Variants in CALD1 observed in about 807,000 individuals in gnomAD.
The protein encoded by CALD1 is caldesmon 1.
CALD1 carries 33 observed loss-of-function variants against 99.9 expected under a neutral mutation model. The observed-to-expected ratio is 0.33, with a 90% CI of 0.25 to 0.44. The LOEUF is 0.44. Among genes scored for constraint, CALD1 ranks in the 20% least tolerant of loss-of-function variants. CALD1 has a pLI of 1.00. For missense variants in CALD1, 861 were observed against 962.1 expected (o/e 0.89, Z 1.39); for synonymous variants, 310 against 325.0 (o/e 0.95, Z 0.50).
chr7:134,773,171 CCT>C (rs1049082611), intron 1 of CALD1, among the ~76,000 whole-genome samples: 4 of 151,608 alleles, frequency 2.6e-5, no homozygotes, highest in African/African-American at 9.7e-5. Context: ...TTTTTTCTGT[CCT>C]CTTTTTTATG....
intron 11 of CALD1, among the ~76,000 whole-genome samples, chr7:134,959,238 T>C (rs1312821323): frequency 6.6e-6 from 1 of 152,008 alleles, no homozygotes; most frequent in Non-Finnish European, 1.5e-5. Flanking sequence ...TAGAGTGCAA[T>C]GGTGCAATCT....
intron 2 of CALD1, among the ~76,000 whole-genome samples, chr7:134,848,312 G>A (rs911869247): frequency 2.0e-5 from 3 of 151,934 alleles, no homozygotes; most frequent in South Asian, 2.1e-4. Flanking sequence ...TGTCCATCAC[G>A]CACTCTAACA....
At chr7:134,763,600 G>C (rs1288132279) in intron 1 of CALD1, among the ~76,000 whole-genome samples, 2 of 152,058 alleles carry the variant, frequency 1.3e-5, no homozygotes, top group Admixed American at 6.5e-5. Flanking sequence ...GTTATAAATG[G>C]CCACCTGAGT....
At chr7:134,726,430 A>G in the CALD1 span, among the ~76,000 whole-genome samples, 2 of 120,694 alleles carry the variant, frequency 1.7e-5, no homozygotes, top group African/African-American at 6.4e-5. Flanking sequence ...TATAATATAT[A>G]TTATATAGCT....
At chr7:134,836,136 T>TTCA (rs920475403) in intron 1 of CALD1, among the ~76,000 whole-genome samples, 1 of 143,038 alleles carries the variant, frequency 7.0e-6, no homozygotes, top group Non-Finnish European at 1.5e-5. Context: ...AGAGTGAGAC[T>TTCA]TCATCTCAAA....
Position 134,867,678 on chromosome 7 carries a change from C to T in CALD1, c.-41-15C>T, listed in dbSNP as rs1365870899. 2.9e-6 allele frequency: 3 copies of T among 1,024,648 alleles called. No individual in the cohort carries two copies. Among genetic ancestry groups the T allele is most frequent in the Middle Eastern group, 4.1e-4 (2 of 4,838 alleles). 63.5% of individuals were successfully genotyped at this position (1,024,648 alleles called of 1,614,324 possible). ...TGAGTTATCAATGATATTGACTCTA[C>T]CTCCTCTCTTTCAGGTCCAGACATC... On this transcript the variant is annotated splice_polypyrimidine_tract_variant and intron_variant, in intron 2 of 14. Transcript: ENST00000361675.
chr7:134,845,722 C>T (rs534588770), intron 2 of CALD1, among the ~76,000 whole-genome samples: 1 of 152,270 alleles, frequency 6.6e-6, no homozygotes, highest in East Asian at 1.9e-4. Flanking sequence ...TGAATGAGGC[C>T]ACCAAGGAAG....
At chr7:134,814,838 C>T in intron 1 of CALD1, among the ~76,000 whole-genome samples, 1 of 152,148 alleles carries the variant, frequency 6.6e-6, no homozygotes. Flanking sequence ...GTCAAGAAAC[C>T]TGGGTATTGG....
At chr7:134,886,822 A>G (rs1801874742) in intron 3 of CALD1, among the ~76,000 whole-genome samples, 1 of 152,260 alleles carries the variant, frequency 6.6e-6, no homozygotes, top group African/African-American at 2.4e-5. Flanking sequence ...TACTGCTTTC[A>G]GAGTACTGTT....
At chr7:134,859,027 T>C (rs555213303) in intron 2 of CALD1, among the ~76,000 whole-genome samples, 3 of 152,370 alleles carry the variant, frequency 2.0e-5, no homozygotes, top group African/African-American at 7.2e-5. Flanking sequence ...TTAAATTTTA[T>C]TTATTTTCAA....
At chr7:134,748,708 T>TTCCC (rs1562988094) in intron 1 of CALD1, among the ~76,000 whole-genome samples, 20 of 132,246 alleles carry the variant, frequency 1.5e-4, no homozygotes, top group East Asian at 2.3e-4. Context: ...TGAAACTCCA[T>TTCCC]CCCCCCGCCC....
chr7:134,951,636 C>T (rs915057137), intron 9 of CALD1, among the ~76,000 whole-genome samples: 4 of 152,166 alleles, frequency 2.6e-5, no homozygotes, highest in African/African-American at 4.8e-5. Flanking sequence ...CCTATGACAG[C>T]CTTCATGGAG....
chr7:134,961,214 T>G (rs910914773), intron 13 of CALD1: 2 of 152,240 alleles, frequency 1.3e-5, no homozygotes, highest in Non-Finnish European at 2.9e-5. Context: ...GAATCTAAAA[T>G]TTTCTTAATT....
chr7:134,955,421 G>C (rs1807689710), intron 9 of CALD1, among the ~76,000 whole-genome samples: 1 of 152,146 alleles, frequency 6.6e-6, no homozygotes, highest in Non-Finnish European at 1.5e-5. Flanking sequence ...GTCTATCTTA[G>C]CTTGCTTAGG....
At chr7:134,922,605 G>C (rs562941516) in intron 3 of CALD1, among the ~76,000 whole-genome samples, 1 of 152,136 alleles carries the variant, frequency 6.6e-6, no homozygotes, top group East Asian at 1.9e-4. Context: ...AGCTGGGGTC[G>C]GGGGACACTG....
intron 1 of CALD1, among the ~76,000 whole-genome samples, chr7:134,797,867 C>T (rs925269362): frequency 2.6e-5 from 4 of 152,186 alleles, no homozygotes; most frequent in Admixed American, 6.5e-5. Flanking sequence ...GTTTGGATTA[C>T]AGGCGTGAGC....
At chr7:134,900,338 G>A (rs771247464) in intron 3 of CALD1, among the ~76,000 whole-genome samples, 2 of 152,058 alleles carry the variant, frequency 1.3e-5, no homozygotes, top group South Asian at 2.1e-4. Context: ...GTATGCCTGC[G>A]AATTGAATTG....
At chr7:134,897,115 T>G (rs1802627822) in intron 3 of CALD1, among the ~76,000 whole-genome samples, 1 of 152,166 alleles carries the variant, frequency 6.6e-6, no homozygotes, top group Admixed American at 6.5e-5. Flanking sequence ...AGAAAATCTG[T>G]AAACCTCATT....
At chr7:134,906,699 A>G (rs924388746) in intron 3 of CALD1, among the ~76,000 whole-genome samples, 3 of 152,238 alleles carry the variant, frequency 2.0e-5, no homozygotes, top group South Asian at 2.1e-4. Context: ...TGAGAAACCT[A>G]GAACTTCAAC....
Sources: allele counts gnomAD v4.1 joint callset (sites outside exome capture counted in the v4.1 genomes callset), GRCh38; gene constraint gnomAD v4.1.1; transcripts MANE v1.5; gene names NCBI Gene and HGNC (gene_info 2026-07-23, HGNC 2026-07-21).